HSP90AA1: variants seen among roughly 807,000 people sequenced by gnomAD.
HSP90AA1 encodes heat shock protein 90 alpha family class A member 1.
In HSP90AA1, 18 loss-of-function variants were observed where a neutral mutation model predicts 73.3. The observed-to-expected ratio is 0.25, with a 90% confidence interval of 0.17 to 0.36. The LOEUF is 0.36. Among genes scored for constraint, HSP90AA1 ranks in the 10% least tolerant of loss-of-function variants. The pLI is 1.00. For synonymous variants in HSP90AA1, 477 were observed against 296.9 expected (o/e 1.61, Z -6.24); for missense variants, 704 against 874.2 (o/e 0.81, Z 2.45).
chr14:102,088,824 C>T (rs1566723439), upstream of HSP90AA1, among the ~76,000 whole-genome samples: 1 of 152,302 alleles, frequency 6.6e-6, no homozygotes, highest in East Asian at 1.9e-4. Context: ...CTTTTCCTAC[C>T]GCAGTTTCTG....
rs376844989 is a variant in HSP90AA1 at position 102,085,739 on chromosome 14, T to C, written c.529+19A>G. 2.5e-5 allele frequency: 40 copies of C among 1,613,816 alleles called. No homozygotes were observed. In the Middle Eastern group the frequency reaches 4.9e-4, roughly 20 times the overall value. ...ACCCTTCCACCGCTCACTTAACCAG[T>C]GAATGTTCAGGTGCCTACCTGTGTC... On this transcript the variant is annotated intron_variant, in intron 3 of 10. Transcript: ENST00000216281.
At chr14:102,112,937 CTTG>C (rs746967652) in intron 1 of HSP90AA1, among the ~76,000 whole-genome samples, 17 of 152,280 alleles carry the variant, frequency 1.1e-4, no homozygotes, top group African/African-American at 2.4e-4. Flanking sequence ...AATATTAGCA[CTTG>C]TTGTAAATTC....
intron 1 of HSP90AA1, among the ~76,000 whole-genome samples, chr14:102,135,265 T>C (rs966287790): frequency 6.6e-5 from 10 of 151,208 alleles, no homozygotes; most frequent in South Asian, 2.1e-4. Flanking sequence ...AGGGTGCTGA[T>C]TGGTGTGTTT....
At position 102,085,795 on chromosome 14, in the gene HSP90AA1, G is replaced by A. The variant is rs115674612; in HGVS notation, c.492C>T (p.Ser164=). The A allele has an allele frequency of 1.9e-3, 3,096 of 1,613,914 alleles. 11 individuals carry two copies. Among genetic ancestry groups the A allele is most frequent in the Non-Finnish European group, 2.0e-3 (2,337 of 1,179,840 alleles). ...TCACTGTGAATGATCCCCCTGCTGA[G>A]GACTCCCAAGCGTACTGCTCATCAT... is the stretch of plus-strand genomic sequence containing the variant. ...HNDDEQYAWE[S]SAGGSFTVRT... The change falls in exon 3 of 11, where the codon TCC becomes TCT. Residue 164 remains serine, a synonymous_variant. Coordinates refer to ENST00000216281, the MANE Select transcript of HSP90AA1 (RefSeq NM_005348.4).
chr14:102,101,826 A>G (rs2049496714), intron 2 of HSP90AA1: 22 of 1,499,434 alleles, frequency 1.5e-5, no homozygotes, highest in Non-Finnish European at 2.0e-5. Flanking sequence ...GATGGTTAAC[A>G]TTAGCTAGAA....
At chr14:102,119,681 G>T (rs1448015897) in intron 1 of HSP90AA1, among the ~76,000 whole-genome samples, 1 of 152,116 alleles carries the variant, frequency 6.6e-6, no homozygotes, top group African/African-American at 2.4e-5. Flanking sequence ...TAGAGACAGG[G>T]TTTCACCATG....
At chr14:102,122,960 G>T (rs1297058850) in intron 1 of HSP90AA1, among the ~76,000 whole-genome samples, 2 of 152,010 alleles carry the variant, frequency 1.3e-5, no homozygotes, top group Non-Finnish European at 2.9e-5. Flanking sequence ...GAGCCACTGC[G>T]CCCAGCCAAT....
chr14:102,084,354 C>T lies in HSP90AA1; in HGVS notation c.1147+45G>A, dbSNP rs370405227. On this transcript the variant is annotated intron_variant, in intron 6 of 10. Transcript: ENST00000216281. ...AGCCACCATGCCCACCCAGAAAGTA[C>T]TTCTTTAATCAGTGACAGTGATTAT... is the stretch of plus-strand genomic sequence containing the variant. 5.1e-6 allele frequency: 8 copies of T among 1,574,214 alleles called. No individual in the cohort carries two copies. The Admixed American group carries it at 8.5e-5, about 17-fold the overall frequency.
chr14:102,128,371 T>C (rs1295909669), intron 1 of HSP90AA1, among the ~76,000 whole-genome samples: 2 of 152,124 alleles, frequency 1.3e-5, no homozygotes, highest in Non-Finnish European at 2.9e-5. Flanking sequence ...CTCACGCCTG[T>C]AATCCCAGAA....
rs1310381990 is a variant in HSP90AA1, at chr14:102,139,653, T to C, written c.-249A>G. Reference sequence around the variant, plus strand: ...CCCACTAGCTGAAGCCGGCATCACCTGGGAAGCAGCCATGCCGCCCGGAGG... The same window carrying C: ...CCCACTAGCTGAAGCCGGCATCACCCGGGAAGCAGCCATGCCGCCCGGAGG... On this transcript the variant is annotated 5_prime_UTR_variant, in exon 1 of 12. Transcript: ENST00000334701. 6 of 645,848 alleles carry C rather than the reference T, an allele frequency of 9.3e-6. No homozygotes were observed. The East Asian group carries it at 1.4e-4, about 15-fold the overall frequency. 40.0% of individuals were successfully genotyped at this position (645,848 alleles called of 1,614,324 possible).
In HSP90AA1 at chr14:102,082,229, C is replaced by T. The variant is rs1293014205; in HGVS notation, c.1971G>A (p.Lys657=). The stretch of plus-strand genomic sequence containing the variant: ...GCAAGATGACCAGATCCTTCACAGA[C>T]TTGTCGTTCTTATCAGCCTCTGCCT... ...RQKAEADKND[K]SVKDLVILLY... The change falls in exon 10 of 11, where the codon AAG becomes AAA. Residue 657 remains lysine (K), a synonymous_variant. Coordinates refer to ENST00000216281, the MANE Select transcript of HSP90AA1 (RefSeq NM_005348.4). The T allele has an allele frequency of 1.9e-6, 3 of 1,613,802 alleles. No individual in the cohort carries two copies. The highest frequency in any genetic ancestry group is 3.3e-5 in the Admixed American group (2 of 59,998).
upstream of HSP90AA1, among the ~76,000 whole-genome samples, chr14:102,088,265 C>G (rs955602840): frequency 2.6e-5 from 4 of 152,190 alleles, no homozygotes; most frequent in Non-Finnish European, 4.4e-5. Context: ...GTTCCTTCGA[C>G]CTGGCTTCCC....
intron 1 of HSP90AA1, among the ~76,000 whole-genome samples, chr14:102,115,160 G>A (rs1290693373): frequency 1.3e-5 from 2 of 151,422 alleles, no homozygotes; most frequent in African/African-American, 2.4e-5. Flanking sequence ...TTAGCTGGGT[G>A]TGGTGGTGCA....
intron 1 of HSP90AA1, among the ~76,000 whole-genome samples, chr14:102,104,969 T>A (rs1595670281): frequency 6.9e-6 from 1 of 144,586 alleles, no homozygotes; most frequent in Non-Finnish European, 1.5e-5. Flanking sequence ...GAGGCCAAGG[T>A]GGGCAGATCA....
At chr14:102,133,231 G>A (rs2049930804) in intron 1 of HSP90AA1, among the ~76,000 whole-genome samples, 2 of 152,048 alleles carry the variant, frequency 1.3e-5, no homozygotes, top group Admixed American at 6.5e-5. Flanking sequence ...AGTGAGCTGA[G>A]ATCATGCCAT....
rs181739419 is a variant in HSP90AA1 at position 102,129,964 on chromosome 14, T to A, written c.155+9286A>T. Among the ~76,000 whole-genome samples, 695 of 141,546 alleles carry A rather than the reference T, an allele frequency of 4.9e-3. 6 individuals are homozygous for A. Among genetic ancestry groups the A allele is most frequent in the African/African-American group, 0.016 (643 of 39,636 alleles). The allele number at this position is 141,546 out of a possible 152,430, so 92.9% of individuals were successfully genotyped here. On this transcript the variant is annotated intron_variant, in intron 1 of 11. Transcript: ENST00000334701. ...TTCACGTATAAGTTTTTGTGTGAAA[T>A]TTTTTTTTTGTTTTGTTTTGTTTTG...
At chr14:102,136,740 T>C (rs1309643488) in intron 1 of HSP90AA1, among the ~76,000 whole-genome samples, 3 of 148,312 alleles carry the variant, frequency 2.0e-5, no homozygotes, top group Non-Finnish European at 4.5e-5. Flanking sequence ...AATACAAAAA[T>C]TAGCCAGGTG....
At chr14:102,089,774 C>T (rs1210090780), upstream of HSP90AA1, among the ~76,000 whole-genome samples, 2 of 152,136 alleles carry the variant, frequency 1.3e-5, no homozygotes, top group East Asian at 1.9e-4. Flanking sequence ...CCAAGCATCC[C>T]CACAACGGAT....
chr14:102,106,598 G>A (rs915704407), intron 1 of HSP90AA1, among the ~76,000 whole-genome samples: 3 of 145,118 alleles, frequency 2.1e-5, no homozygotes, highest in African/African-American at 7.9e-5. Context: ...GGGCTGGAGT[G>A]CAGTGGCACA....
Sources: gnomAD v4.1 joint callset for allele counts (sites outside exome capture counted in the v4.1 genomes callset) on GRCh38, gnomAD v4.1.1 for gene constraint, MANE v1.5 for transcripts, NCBI Gene and HGNC (gene_info 2026-07-23, HGNC 2026-07-21) for gene names.